Variants in MFAP2 observed in about 807,000 individuals in gnomAD.
MFAP2 encodes the protein microfibrillar-associated protein 2.
A neutral mutation model predicts 30.6 loss-of-function variants in MFAP2; 23 were observed. The observed-to-expected ratio is 0.75, with a 90% CI of 0.54 to 1.07. The LOEUF (loss-of-function observed/expected upper bound fraction) is 1.07, where lower values mean the gene tolerates loss of function less well. MFAP2 is among the 50% of genes least tolerant of loss of function. The pLI is 0.00. For missense variants in MFAP2, 198 were observed against 223.8 expected, an observed-to-expected ratio of 0.88 and a Z score of 0.74; for synonymous variants, 73 against 85.7, an observed-to-expected ratio of 0.85 and a Z score of 0.82.
Position 16,975,378 on chromosome 1 carries a change from T to A in MFAP2, c.375-36A>T, listed in dbSNP as rs1275803919. On this transcript the variant is annotated intron_variant, in intron 7 of 8. Coordinates refer to ENST00000375535, the MANE Select transcript of MFAP2 (RefSeq NM_002403.4). This position sits in a 1 kb window ranked among gnomAD's most constrained non-coding sequence, Gnocchi z 5.0. ...AGGGCACGGGAGGTCTCAGCCCCACTTCCACCCAATCCCACTGGGATAGCC... is the reference window on the plus strand; with the variant it reads ...AGGGCACGGGAGGTCTCAGCCCCACATCCACCCAATCCCACTGGGATAGCC... 6.2e-7 allele frequency: 1 copy of A among 1,604,994 alleles called. No individual in the cohort carries two copies. The highest frequency in any genetic ancestry group is 2.2e-5 in the East Asian group (1 of 44,818).
Position 16,975,544 on chromosome 1 carries a change from T to G in MFAP2, c.374+99A>C, listed in dbSNP as rs2076583105. On this transcript the variant is annotated intron_variant, in intron 7 of 8. Transcript: ENST00000375535. This position sits in a 1 kb window ranked among gnomAD's most constrained non-coding sequence, Gnocchi z 5.0. ...GAGCTCAACTTAAGGACTCACTATCTTTCCTCCAACTCCCACCTTGGCGGG... is the reference window on the plus strand; with the variant it reads ...GAGCTCAACTTAAGGACTCACTATCGTTCCTCCAACTCCCACCTTGGCGGG... 5.2e-6 allele frequency: 7 copies of G among 1,352,344 alleles called. No individual in the cohort carries two copies. The highest frequency in any genetic ancestry group is 1.2e-5 in the South Asian group (1 of 81,666). The allele number at this position is 1,352,344 out of a possible 1,614,324, so 83.8% of individuals were successfully genotyped here.
chr1:16,976,428 C>G lies in MFAP2; in HGVS notation c.286+73G>C. 1 of 1,595,976 alleles carries G rather than the reference C, an allele frequency of 6.3e-7. No individual in the cohort carries two copies. The highest frequency in any genetic ancestry group is 8.6e-7 in the Non-Finnish European group (1 of 1,163,576). On this transcript the variant is annotated intron_variant, in intron 6 of 8. Transcript: ENST00000375535. The surrounding 1 kb of genome is among the most constrained non-coding windows in gnomAD (Gnocchi z 5.5). The stretch of plus-strand genomic sequence containing the variant: ...GCAAGGGCCAAAGACCTCCAGCCCA[C>G]CAGCACCACCCCCTACTCCACCCCA...
At chr1:16,978,146 C>G (rs1156293192) in intron 2 of MFAP2, 91 bp downstream of exon 2, 2 of 1,399,198 alleles carry the variant, frequency 1.4e-6, no homozygotes, top group East Asian at 5.0e-5. Context: ...GGTCATAAGT[C>G]GTGACAAAGG....
chr1:16,978,216 C>T (rs368249551), intron 2 of MFAP2, 21 bp downstream of exon 2: 33 of 1,563,484 alleles, frequency 2.1e-5, no homozygotes, highest in Non-Finnish European at 2.7e-5. Context: ...GGAGCTACCC[C>T]CTGCCCCAGG....
At position 16,975,439 on chromosome 1, in the gene MFAP2, TGGCACGGGAGCCC is replaced by T. The variant is rs2076582194; in HGVS notation, c.375-110_375-98del. ...CTGGCACGGGAGCCCGGACAGAACCTGGCACGGGAGCCCGGACAGAACCTGGCACTGGAGCCCA... is the reference window on the plus strand; with the variant it reads ...CTGGCACGGGAGCCCGGACAGAACCTGGACAGAACCTGGCACTGGAGCCCA... On this transcript the variant is annotated intron_variant, in intron 7 of 8. Transcript: ENST00000375535. The surrounding 1 kb of genome is among the most constrained non-coding windows in gnomAD (Gnocchi z 5.0). The T allele has an allele frequency of 4.5e-6, 6 of 1,327,280 alleles. No homozygotes were observed. Among genetic ancestry groups the T allele is most frequent in the Non-Finnish European group, 6.4e-6 (6 of 944,792 alleles). The allele number at this position is 1,327,280 out of a possible 1,614,324, so 82.2% of individuals were successfully genotyped here.
At chr1:16,979,059 G>T (rs1014740686) in intron 1 of MFAP2, 4 of 152,292 alleles carry the variant, frequency 2.6e-5, no homozygotes, top group Non-Finnish European at 5.9e-5. Flanking sequence ...AGGCAGCACT[G>T]AAGGGGCCGT....
At position 16,975,194 on chromosome 1, in the gene MFAP2, A is replaced by G; in HGVS notation, c.448+75T>C. On this transcript the variant is annotated intron_variant, in intron 8 of 8. Transcript: ENST00000375535. The surrounding 1 kb of genome is among the most constrained non-coding windows in gnomAD (Gnocchi z 5.0). ...GGATAATATGTGTTGAATAAACATC[A>G]GGTGGGTGGCTAGGTGGCCAGATAA... 1 of 1,419,844 alleles carries G rather than the reference A, an allele frequency of 7.0e-7. No homozygotes were observed. The highest frequency in any genetic ancestry group is 9.9e-7 in the Non-Finnish European group (1 of 1,013,422). 88.0% of individuals were successfully genotyped at this position (1,419,844 alleles called of 1,614,324 possible). A position where few individuals can be genotyped will look rare whatever the true frequency, so the allele number is the denominator to read the frequency against.
chr1:16,977,741 G>A (rs368240661), intron 2 of MFAP2: 4 of 175,590 alleles, frequency 2.3e-5, no homozygotes, highest in Middle Eastern at 2.6e-3. Context: ...CACTTGGCAC[G>A]TGGTAGGGAC....
At position 16,976,691 on chromosome 1, in the gene MFAP2, C is replaced by T; in HGVS notation, c.241+17G>A. The T allele has an allele frequency of 6.2e-7, 1 of 1,613,154 alleles. No homozygotes were observed. The highest frequency in any genetic ancestry group is 8.5e-7 in the Non-Finnish European group (1 of 1,179,432). ...AGGCAGGAGCTGAGACGGGTGGGAGCAGGGTCTGGGGCCTACCTGGGGTTG... is the reference window on the plus strand; with the variant it reads ...AGGCAGGAGCTGAGACGGGTGGGAGTAGGGTCTGGGGCCTACCTGGGGTTG... On this transcript the variant is annotated intron_variant, in intron 5 of 8. Coordinates refer to ENST00000375535, the MANE Select transcript of MFAP2 (RefSeq NM_002403.4). The surrounding 1 kb of genome is among the most constrained non-coding windows in gnomAD (Gnocchi z 5.5).
At chr1:16,980,778 G>A (rs558205225), upstream of MFAP2, 509 of 152,476 alleles carry the variant, frequency 3.3e-3, 3 homozygotes, top group African/African-American at 0.012. Flanking sequence ...CTGGGGGGGG[G>A]GGTGTCCCCG....
intron 2 of MFAP2, 35 bp from the exon 3 acceptor site, chr1:16,977,233 G>A (rs779419249): frequency 3.7e-6 from 6 of 1,605,072 alleles, no homozygotes; most frequent in Non-Finnish European, 5.1e-6. Context: ...GTACCCCATC[G>A]GGAGGGGCAA....
rs1393557738 is a variant in MFAP2, at chr1:16,975,966, A to C, written c.287-236T>G. Among the ~76,000 whole-genome samples, 1 of 152,020 alleles carries C rather than the reference A, an allele frequency of 6.6e-6. No individual in the cohort carries two copies. The highest frequency in any genetic ancestry group is 2.4e-5 in the African/African-American group (1 of 41,376). ...TATAGAAGCCTAAGTTCAAACAGAA[A>C]TTTGCACCCACCCATGCATCGCCAC... On this transcript the variant is annotated intron_variant, in intron 6 of 8. Transcript: ENST00000375535. The surrounding 1 kb of genome is among the most constrained non-coding windows in gnomAD (Gnocchi z 5.0).
chr1:16,976,519 TG>T lies in MFAP2; in HGVS notation c.267del (p.Thr90GlnfsTer73). On this transcript the variant is annotated frameshift_variant, in exon 6 of 9. Coordinates refer to ENST00000375535, the MANE Select transcript of MFAP2 (RefSeq NM_002403.4). LOFTEE classifies it high-confidence loss of function. The surrounding 1 kb of genome is among the most constrained non-coding windows in gnomAD (Gnocchi z 5.5). ...TPEPGNAELE[P>X]TEPGPLDCRE... is the part of the protein sequence containing the mutation. ...CCCTTACCAAGAGGCCCAGGCTCTG[TG>T]GGCTCCAGCTCTGCATTTCCTGGTT... 1 of 1,614,220 alleles carries T rather than the reference TG, an allele frequency of 6.2e-7. No homozygotes were observed. The highest frequency in any genetic ancestry group is 1.1e-5 in the South Asian group (1 of 91,080).
At chr1:16,977,355 G>T in intron 2 of MFAP2, 157 bp from the exon 3 acceptor site, 1 of 688,560 alleles carries the variant, frequency 1.5e-6, no homozygotes, top group East Asian at 2.7e-5. Context: ...TTCTTCGATG[G>T]TAAAGACCCT....
At position 16,976,109 on chromosome 1, in the gene MFAP2, GTTC is replaced by G; in HGVS notation, c.287-382_287-380del. On this transcript the variant is annotated intron_variant, in intron 6 of 8. Transcript: ENST00000375535. This position sits in a 1 kb window ranked among gnomAD's most constrained non-coding sequence, Gnocchi z 5.5. ...GGATTCTCCTGCACACACACACCTT[GTTC>G]TTTCAAGCTCTCAGCTAGGGCAGCC... The G allele has an allele frequency of 2.1e-6, 1 of 471,074 alleles. No homozygotes were observed. The highest frequency in any genetic ancestry group is 3.9e-6 in the Non-Finnish European group (1 of 257,908). 29.2% of individuals were successfully genotyped at this position (471,074 alleles called of 1,614,324 possible). A position where few individuals can be genotyped will look rare whatever the true frequency, so the allele number is the denominator to read the frequency against.
intron 1 of MFAP2, among the ~76,000 whole-genome samples, 161 bp downstream of exon 1, chr1:16,980,426 G>GC (rs1386223776): frequency 6.6e-6 from 1 of 151,870 alleles, no homozygotes; most frequent in East Asian, 1.9e-4. Flanking sequence ...CTTTCCAGGT[G>GC]CCCCCTTGGC....
chr1:16,975,011 C>T lies in MFAP2; in HGVS notation c.461G>A (p.Arg154Gln), dbSNP rs761514757. 1.3e-5 allele frequency: 11 copies of T among 829,572 alleles called. No homozygotes were observed. Among genetic ancestry groups the T allele is most frequent in the African/African-American group, 1.0e-4 (6 of 58,750 alleles). The allele number at this position is 829,572 out of a possible 1,614,324, so 51.4% of individuals were successfully genotyped here. The change falls in exon 9 of 9, where the codon CGG (arginine) becomes CAG (glutamine). Residue 154 changes from arginine to glutamine, a missense_variant. Physicochemically the swap from Arg to Gln is conservative, Grantham distance 43. Transcript: ENST00000375535. This position sits in a 1 kb window ranked among gnomAD's most constrained non-coding sequence, Gnocchi z 5.0. ...CACGCCACATTTGGAGAACTTGTCC[C>T]GACAGAGGTCAGCTATTGGGGGCAG... is the stretch of plus-strand genomic sequence containing the variant. ...HEELLRADLC[R>Q]DKFSKCGVMA...
intron 2 of MFAP2, chr1:16,977,968 C>T (rs1036302520): frequency 1.7e-5 from 7 of 419,932 alleles, no homozygotes; most frequent in African/African-American, 1.4e-4. Flanking sequence ...GTGCCTTGTG[C>T]CCACGGAGTC....
chr1:16,975,676 C>T lies in MFAP2; in HGVS notation c.341G>A (p.Cys114Tyr). The change falls in exon 7 of 9, where the codon TGC becomes TAC. Residue 114 changes from cysteine to tyrosine, a missense_variant. Physicochemically the swap from Cys to Tyr is radical, Grantham distance 194 (BLOSUM62 -2). Transcript: ENST00000375535. This position sits in a 1 kb window ranked among gnomAD's most constrained non-coding sequence, Gnocchi z 5.0. ...GCAGACCTCGTTGAGACACTGTTTG[C>T]AAGGCCTGTGTATGGAGTAGAGGCG... ...CTRLYSIHRP[C>Y]KQCLNEVCFY... 1 of 1,614,064 alleles carries T rather than the reference C, an allele frequency of 6.2e-7. No individual in the cohort carries two copies. Among genetic ancestry groups the T allele is most frequent in the Non-Finnish European group, 8.5e-7 (1 of 1,179,972 alleles).
Sources: gnomAD v4.1 joint callset for allele counts (sites outside exome capture counted in the v4.1 genomes callset) on GRCh38, gnomAD v4.1.1 for gene constraint, Gnocchi (gnomAD v3.1) non-coding constraint, MANE v1.5 for transcripts, NCBI Gene and HGNC (gene_info 2026-07-23, HGNC 2026-07-21) for gene names.